Variants in GSDMC observed in about 807,000 individuals in gnomAD.
GSDMC encodes gasdermin-C.
In GSDMC, 59 loss-of-function variants were observed where a neutral mutation model predicts 58.0. That is an observed-to-expected ratio of 1.02 (90% CI 0.82 to 1.26). The LOEUF (loss-of-function observed/expected upper bound fraction) is 1.26. Among genes scored for constraint, GSDMC ranks in the 50% most tolerant of loss-of-function variants. The pLI, the probability that GSDMC is intolerant of heterozygous loss-of-function variation, is 0.00. For synonymous variants in GSDMC, 241 were observed against 220.2 expected (o/e 1.09, Z -0.83); for missense variants, 659 against 598.5 (o/e 1.10, Z -1.06).
the GSDMC span, among the ~76,000 whole-genome samples, chr8:129,740,623 C>T: frequency 1.3e-5 from 2 of 152,222 alleles, no homozygotes; most frequent in South Asian, 4.1e-4. Flanking sequence ...ATATTGTCTA[C>T]GTTTGTGTAA....
At chr8:129,732,784 C>T in the GSDMC span, among the ~76,000 whole-genome samples, 2 of 152,172 alleles carry the variant, frequency 1.3e-5, no homozygotes, top group Non-Finnish European at 2.9e-5. Context: ...AACTGAGGTA[C>T]CTGGTTCATC....
At chr8:129,753,155 C>T (rs924622623) in intron 6 of GSDMC, among the ~76,000 whole-genome samples, 1 of 152,184 alleles carries the variant, frequency 6.6e-6, no homozygotes, top group Non-Finnish European at 1.5e-5. Flanking sequence ...TAAAGAGACA[C>T]CAGCTGGGGT....
downstream of GSDMC, among the ~76,000 whole-genome samples, chr8:129,745,838 A>C (rs2032949351): frequency 6.6e-6 from 1 of 151,326 alleles, no homozygotes; most frequent in East Asian, 1.9e-4. Context: ...GTAGAAGGTG[A>C]AAGAGAGGCC....
At chr8:129,766,844 G>A (rs955172648) in intron 3 of GSDMC, among the ~76,000 whole-genome samples, 6 of 152,196 alleles carry the variant, frequency 3.9e-5, no homozygotes, top group East Asian at 1.9e-4. Flanking sequence ...GTTCCAAAGC[G>A]CATCCTAGGA....
intron 5 of GSDMC, among the ~76,000 whole-genome samples, chr8:129,761,563 T>A (rs1223907303): frequency 1.3e-5 from 2 of 152,222 alleles, no homozygotes; most frequent in African/African-American, 4.8e-5. Flanking sequence ...TCTGACCACA[T>A]CATTTTCTGT....
chr8:129,707,478 A>G, the GSDMC span, among the ~76,000 whole-genome samples: 1 of 152,184 alleles, frequency 6.6e-6, no homozygotes, highest in African/African-American at 2.4e-5. Flanking sequence ...TGTAAGTACC[A>G]TTAATTTTAC....
chr8:129,751,827 A>T (rs1255299517), intron 9 of GSDMC, 35 bp downstream of exon 9: 3 of 1,587,162 alleles, frequency 1.9e-6, no homozygotes, highest in African/African-American at 1.3e-5. Context: ...GCAGGATGGG[A>T]TCCCCACCCC....
intron 6 of GSDMC, among the ~76,000 whole-genome samples, chr8:129,759,826 A>G (rs888335361): frequency 1.3e-5 from 2 of 152,200 alleles, no homozygotes; most frequent in Non-Finnish European, 2.9e-5. Flanking sequence ...AACGAAAACT[A>G]GAGTTACCAT....
At chr8:129,764,243 G>A (rs1274814501) in intron 4 of GSDMC, among the ~76,000 whole-genome samples, 1 of 152,128 alleles carries the variant, frequency 6.6e-6, no homozygotes, top group Non-Finnish European at 1.5e-5. Context: ...TGCATAGGCA[G>A]GGCATGTTGA....
At chr8:129,724,691 T>C in the GSDMC span, among the ~76,000 whole-genome samples, 4 of 152,208 alleles carry the variant, frequency 2.6e-5, no homozygotes, top group South Asian at 2.1e-4. Context: ...AAAAAAATGA[T>C]ACTTTTTAGC....
At chr8:129,784,287 TCAA>T (rs1451328607) in intron 1 of GSDMC, among the ~76,000 whole-genome samples, 1 of 151,762 alleles carries the variant, frequency 6.6e-6, no homozygotes, top group Non-Finnish European at 1.5e-5. Context: ...AAGGAAAAGA[TCAA>T]CAACAGAAAA....
At chr8:129,737,479 C>T in the GSDMC span, among the ~76,000 whole-genome samples, 1 of 152,118 alleles carries the variant, frequency 6.6e-6, no homozygotes, top group East Asian at 1.9e-4. Context: ...CCCTCAGAAA[C>T]AATACCACAC....
rs2033115098 is a variant in GSDMC at position 129,750,055 on chromosome 8, T to G, written c.1148A>C (p.Gln383Pro). ...GTTAAACCATGCATGGTTTGAATCC[T>G]GTTGAAGTTTCTTTAGGATGGCACC... Reference protein sequence around the residue: ...PGGAILKKLQQDSNHAWFNPK... With the variant: ...PGGAILKKLQPDSNHAWFNPK... Residue 383 changes from glutamine to proline, a missense_variant, in exon 12 of 14, where the codon CAG (glutamine) becomes CCG (proline). By Grantham distance (76) the Gln-to-Pro change is moderately conservative. Transcript: ENST00000276708. 6.2e-7 allele frequency: 1 copy of G among 1,610,654 alleles called. No individual in the cohort carries two copies. The highest frequency in any genetic ancestry group is 8.5e-7 in the Non-Finnish European group (1 of 1,178,188).
At chr8:129,751,430 C>A in intron 10 of GSDMC, 112 bp downstream of exon 10, 2 of 811,166 alleles carry the variant, frequency 2.5e-6, no homozygotes, top group South Asian at 3.3e-5. Context: ...GAGCAAAGTG[C>A]AAATTTGGAA....
At chr8:129,719,928 G>C in the GSDMC span, among the ~76,000 whole-genome samples, 1 of 152,100 alleles carries the variant, frequency 6.6e-6, no homozygotes, top group Non-Finnish European at 1.5e-5. Context: ...CTGGGCAACA[G>C]AGCAAGACTC....
the GSDMC span, among the ~76,000 whole-genome samples, chr8:129,735,538 A>G: frequency 6.6e-6 from 1 of 152,196 alleles, no homozygotes; most frequent in African/African-American, 2.4e-5. Context: ...AAACTGAACA[A>G]CCTGCTCCTG....
chr8:129,749,723 G>A (rs191804807), intron 12 of GSDMC, among the ~76,000 whole-genome samples, 198 bp from the exon 13 acceptor site: 55 of 152,272 alleles, frequency 3.6e-4, no homozygotes, highest in African/African-American at 1.2e-3. Context: ...ACCAGAGGAC[G>A]GGATTCAGGG....
At chr8:129,734,333 A>G in the GSDMC span, among the ~76,000 whole-genome samples, 2 of 152,224 alleles carry the variant, frequency 1.3e-5, no homozygotes, top group Non-Finnish European at 2.9e-5. Context: ...AACACCACAA[A>G]GATACTCCTC....
the GSDMC span, among the ~76,000 whole-genome samples, chr8:129,727,564 G>A: frequency 6.6e-6 from 1 of 152,180 alleles, no homozygotes; most frequent in African/African-American, 2.4e-5. Context: ...CTCAAGCTGT[G>A]GAACTAAGTT....
Sources: gnomAD v4.1 joint callset for allele counts (sites outside exome capture counted in the v4.1 genomes callset) on GRCh38, gnomAD v4.1.1 for gene constraint, MANE v1.5 for transcripts, NCBI Gene and HGNC (gene_info 2026-07-23, HGNC 2026-07-21) for gene names.